KCNIP4: variants seen among roughly 807,000 people sequenced by gnomAD.
The protein encoded by KCNIP4 is potassium voltage-gated channel interacting protein 4.
In KCNIP4, 12 loss-of-function variants were observed where a neutral mutation model predicts 34.0. That is an observed-to-expected ratio of 0.35 (90% CI 0.23 to 0.57). The LOEUF (loss-of-function observed/expected upper bound fraction) is 0.57. KCNIP4 is among the 20% of genes least tolerant of loss of function. The pLI, the probability that KCNIP4 is intolerant of heterozygous loss-of-function variation, is 0.83. For synonymous variants in KCNIP4, 124 were observed against 102.2 expected, an observed-to-expected ratio of 1.21 and a Z score of -1.29; for missense variants, 238 against 311.7, an observed-to-expected ratio of 0.76 and a Z score of 1.78.
chr4:21,678,959 T>C (rs1178393009), intron 1 of KCNIP4, among the ~76,000 whole-genome samples: 2 of 151,976 alleles, frequency 1.3e-5, no homozygotes, highest in South Asian at 2.1e-4. Flanking sequence ...AATTTCCTTA[T>C]AAGAAGAGAA....
intron 1 of KCNIP4, among the ~76,000 whole-genome samples, chr4:21,192,952 C>CAA (rs1755784273): frequency 6.9e-6 from 1 of 145,100 alleles, no homozygotes; most frequent in Non-Finnish European, 1.5e-5. Context: ...ACTACTACTA[C>CAA]TAATAATAAT....
At chr4:20,897,548 T>C (rs951245929) in intron 1 of KCNIP4, among the ~76,000 whole-genome samples, 23 of 148,988 alleles carry the variant, frequency 1.5e-4, no homozygotes, top group Non-Finnish European at 3.1e-4. Context: ...AAGTTCCAAC[T>C]CCCAGTACTT....
chr4:21,671,827 G>GA (rs1220197282), intron 1 of KCNIP4, among the ~76,000 whole-genome samples: 3 of 152,038 alleles, frequency 2.0e-5, no homozygotes, highest in African/African-American at 7.2e-5. Flanking sequence ...TGATTCCAAG[G>GA]AAAAAAGTTA....
chr4:21,845,701 T>C (rs1723973646), intron 1 of KCNIP4: 1 of 152,086 alleles, frequency 6.6e-6, no homozygotes, highest in Non-Finnish European at 1.5e-5. Context: ...CGATTCGACA[T>C]GTAGCTTGGC....
intron 1 of KCNIP4, among the ~76,000 whole-genome samples, chr4:21,584,919 A>G (rs1486099179): frequency 2.0e-5 from 3 of 152,072 alleles, no homozygotes; most frequent in Non-Finnish European, 1.5e-5. Context: ...AAGTGTAACC[A>G]TTTCTTATGA....
At chr4:21,133,456 G>A (rs1046217320) in intron 1 of KCNIP4, among the ~76,000 whole-genome samples, 2 of 152,092 alleles carry the variant, frequency 1.3e-5, no homozygotes, top group Admixed American at 6.5e-5. Context: ...GGGTCTTTAT[G>A]GCAACTCTTG....
chr4:21,498,793 G>A (rs1733061968), intron 1 of KCNIP4, among the ~76,000 whole-genome samples: 1 of 152,116 alleles, frequency 6.6e-6, no homozygotes, highest in Non-Finnish European at 1.5e-5. Flanking sequence ...GTGCAGATGA[G>A]AAACAATAGA....
chr4:21,868,040 C>T (rs532589015), intron 1 of KCNIP4, among the ~76,000 whole-genome samples: 1 of 152,254 alleles, frequency 6.6e-6, no homozygotes, highest in Admixed American at 6.5e-5. Flanking sequence ...AAAATATTTG[C>T]CGACCTAGAA....
chr4:21,142,258 C>T (rs1239042689), intron 1 of KCNIP4, among the ~76,000 whole-genome samples: 2 of 151,316 alleles, frequency 1.3e-5, no homozygotes, highest in Admixed American at 6.6e-5. Context: ...AGAAGAAGGA[C>T]AAAAGGAGCT....
chr4:20,781,318 A>C (rs1017420037), intron 3 of KCNIP4, among the ~76,000 whole-genome samples: 7 of 152,238 alleles, frequency 4.6e-5, no homozygotes, highest in African/African-American at 1.7e-4. Context: ...TCCCTACTGT[A>C]AGCCAGGTAC....
At chr4:21,467,045 CA>C (rs1730012557) in intron 1 of KCNIP4, among the ~76,000 whole-genome samples, 1 of 145,688 alleles carries the variant, frequency 6.9e-6, no homozygotes, top group Non-Finnish European at 1.5e-5. Flanking sequence ...TGTGACAAAC[CA>C]AAACCAAACC....
At chr4:21,408,166 G>C (rs185553759) in intron 1 of KCNIP4, among the ~76,000 whole-genome samples, 82 of 152,184 alleles carry the variant, frequency 5.4e-4, no homozygotes, top group Non-Finnish European at 1.0e-4. Flanking sequence ...TTAAACCAAA[G>C]GGCAATAAGT....
chr4:20,998,306 C>T (rs923305503), intron 1 of KCNIP4, among the ~76,000 whole-genome samples: 1 of 152,112 alleles, frequency 6.6e-6, no homozygotes, highest in Non-Finnish European at 1.5e-5. Flanking sequence ...CTATCAATCC[C>T]AAGTGAAAGT....
At chr4:20,739,148 C>T (rs962215547) in intron 5 of KCNIP4, among the ~76,000 whole-genome samples, 5 of 152,198 alleles carry the variant, frequency 3.3e-5, no homozygotes, top group Admixed American at 1.3e-4. Flanking sequence ...GTAGATGCCA[C>T]CTCTGGGGGC....
chr4:21,853,845 G>C (rs1724571075), intron 1 of KCNIP4, among the ~76,000 whole-genome samples: 2 of 152,140 alleles, frequency 1.3e-5, no homozygotes, highest in Admixed American at 6.6e-5. Context: ...TAACCTCCCT[G>C]GACCTCAGTT....
At chr4:21,134,671 C>T (rs942746078) in intron 1 of KCNIP4, among the ~76,000 whole-genome samples, 3 of 152,172 alleles carry the variant, frequency 2.0e-5, no homozygotes, top group Non-Finnish European at 4.4e-5. Context: ...TCCTTCTCTG[C>T]TCTTCCCCAA....
chr4:21,047,234 A>AT (rs1742510037), intron 1 of KCNIP4, among the ~76,000 whole-genome samples: 1 of 152,046 alleles, frequency 6.6e-6, no homozygotes, highest in South Asian at 2.1e-4. Context: ...CCTCTTCATG[A>AT]TTTTTTTGGT....
At chr4:20,882,587 A>C (rs1210458368) in intron 2 of KCNIP4, 21 bp downstream of exon 2, 1 of 1,585,014 alleles carries the variant, frequency 6.3e-7, no homozygotes, top group East Asian at 2.2e-5. Context: ...AGGAAAAAAA[A>C]AAACAAAAAA....
chr4:21,766,399 T>C (rs1718419943), intron 1 of KCNIP4, among the ~76,000 whole-genome samples: 1 of 152,120 alleles, frequency 6.6e-6, no homozygotes, highest in African/African-American at 2.4e-5. Flanking sequence ...TTGTAAGAGT[T>C]TGAGCTGGGA....
Sources: allele counts gnomAD v4.1 joint callset (sites outside exome capture counted in the v4.1 genomes callset), GRCh38; gene constraint gnomAD v4.1.1; transcripts MANE v1.5; gene names NCBI Gene and HGNC (gene_info 2026-07-23, HGNC 2026-07-21).